The following DCC variants were observed in gnomAD, a reference collection of about 807,000 sequenced individuals.
The protein encoded by DCC is netrin receptor DCC.
Under a neutral mutation model 172.5 loss-of-function variants are expected in DCC, and 58 were observed. The observed-to-expected ratio is 0.34, with a 90% CI of 0.27 to 0.42. The LOEUF (loss-of-function observed/expected upper bound fraction) is 0.42. Ranked by LOEUF, DCC falls within the 10% of genes least tolerant of loss-of-function variation. The pLI is 1.00. For synonymous variants in DCC, 709 were observed against 644.5 expected (o/e 1.10, Z -1.52); for missense variants, 1,740 against 1,791.0 (o/e 0.97, Z 0.51).
At chr18:53,190,458 CTG>C (rs67103778) in intron 9 of DCC, among the ~76,000 whole-genome samples, 42,698 of 145,732 alleles carry the variant, frequency 0.29, 6,181 homozygotes, top group Non-Finnish European at 0.36. Context: ...ACTGCTAACT[CTG>C]TGTGTGTGTG....
At chr18:52,953,596 A>G (rs1362103498) in intron 5 of DCC, among the ~76,000 whole-genome samples, 4 of 152,234 alleles carry the variant, frequency 2.6e-5, no homozygotes, top group Non-Finnish European at 5.9e-5. Context: ...TGACTTTCAA[A>G]GCTGCCTGAA....
intron 5 of DCC, among the ~76,000 whole-genome samples, chr18:52,953,042 C>T (rs954688735): frequency 1.4e-5 from 2 of 142,412 alleles, no homozygotes; most frequent in African/African-American, 2.5e-5. Flanking sequence ...ATAACATTGC[C>T]TTTAATACCT....
intron 1 of DCC, among the ~76,000 whole-genome samples, chr18:52,347,803 A>C (rs985259793): frequency 6.6e-6 from 1 of 152,168 alleles, no homozygotes; most frequent in African/African-American, 2.4e-5. Context: ...ATTAAATGAG[A>C]ATGTGGACTA....
At chr18:53,501,261 A>T (rs2046094110) in intron 27 of DCC, among the ~76,000 whole-genome samples, 1 of 152,192 alleles carries the variant, frequency 6.6e-6, no homozygotes, top group Non-Finnish European at 1.5e-5. Flanking sequence ...TAAGGTAGCT[A>T]TTAGTCTTAA....
intron 12 of DCC, among the ~76,000 whole-genome samples, chr18:53,255,435 A>G (rs1405609812): frequency 7.7e-5 from 10 of 130,104 alleles, no homozygotes; most frequent in Non-Finnish European, 1.4e-4. Context: ...CTCATTGTTC[A>G]CTTCCCACCT....
In DCC at chr18:52,540,841, C is replaced by T. The variant is rs1210201597; in HGVS notation, c.91+199963C>T. Among the ~76,000 whole-genome samples the T allele has an allele frequency of 2.6e-5, 4 of 151,906 alleles. No individual in the cohort carries two copies. The East Asian group carries it at 7.7e-4, about 29-fold the overall frequency. On this transcript the variant is annotated intron_variant, in intron 1 of 28. Transcript: ENST00000442544. ...CAGGATGGTCTTGATCTCCTGACTT[C>T]GTGATCCGCCCGCCTCGGCCTCCCA... is the stretch of plus-strand genomic sequence containing the variant.
chr18:52,985,428 A>C (rs1334277768), intron 5 of DCC, among the ~76,000 whole-genome samples: 1 of 152,120 alleles, frequency 6.6e-6, no homozygotes, highest in Non-Finnish European at 1.5e-5. Flanking sequence ...TGCTGATGAG[A>C]AAGATAGTGG....
chr18:52,809,009 G>A (rs924268289), intron 2 of DCC, among the ~76,000 whole-genome samples: 4 of 152,060 alleles, frequency 2.6e-5, no homozygotes, highest in Admixed American at 1.3e-4. Context: ...CGTATGCCTG[G>A]GTAATCCTGG....
At chr18:53,137,197 G>A (rs1426988375) in intron 7 of DCC, among the ~76,000 whole-genome samples, 2 of 152,212 alleles carry the variant, frequency 1.3e-5, no homozygotes, top group Admixed American at 6.5e-5. Flanking sequence ...TCCAAGCACA[G>A]CTTTGCTGAA....
intron 1 of DCC, among the ~76,000 whole-genome samples, chr18:52,734,605 A>T (rs2036696454): frequency 6.6e-6 from 1 of 152,008 alleles, no homozygotes; most frequent in Admixed American, 6.6e-5. Flanking sequence ...GCATCCCCAT[A>T]AGTAAGGTTT....
chr18:52,497,273 AAAAAAAAATAT>A lies in DCC; in HGVS notation c.91+156397_91+156407del, dbSNP rs1171588496. Among the ~76,000 whole-genome samples the A allele has an allele frequency of 2.3e-4, 20 of 86,480 alleles. 3 individuals are homozygous for A. The highest frequency in any genetic ancestry group is 1.9e-3 in the South Asian group (5 of 2,674). The allele number at this position is 86,480 out of a possible 152,430, so 56.7% of individuals were successfully genotyped here. On this transcript the variant is annotated intron_variant, in intron 1 of 28. Transcript: ENST00000442544. ...GAGACCCTGTATCAAAAAAAAAAAAAAAAAAAAATATATATATATATATATATATATATATA... is the reference window on the plus strand; with the variant it reads ...GAGACCCTGTATCAAAAAAAAAAAAAATATATATATATATATATATATATA...
intron 5 of DCC, among the ~76,000 whole-genome samples, chr18:52,978,871 C>A (rs1186767854): frequency 6.6e-6 from 1 of 152,118 alleles, no homozygotes; most frequent in Non-Finnish European, 1.5e-5. Context: ...CAGCTCTATG[C>A]AATTTGCTGC....
intron 1 of DCC, among the ~76,000 whole-genome samples, chr18:52,366,389 G>A (rs1984857251): frequency 6.6e-6 from 1 of 152,162 alleles, no homozygotes; most frequent in Non-Finnish European, 1.5e-5. Context: ...TGCTGGCTCG[G>A]GCAGCCTGTT....
chr18:52,890,798 T>G (rs933391489), intron 2 of DCC, among the ~76,000 whole-genome samples: 1 of 152,044 alleles, frequency 6.6e-6, no homozygotes, highest in Admixed American at 6.6e-5. Flanking sequence ...AATCCCCAAA[T>G]TCTGAGGCTA....
chr18:52,417,128 AT>A (rs1987064015), intron 1 of DCC, among the ~76,000 whole-genome samples: 1 of 152,102 alleles, frequency 6.6e-6, no homozygotes, highest in Non-Finnish European at 1.5e-5. Flanking sequence ...TCCTTCACTT[AT>A]GAAGCTTAGT....
At chr18:52,907,806 T>C (rs1231671351) in intron 3 of DCC, among the ~76,000 whole-genome samples, 1 of 152,216 alleles carries the variant, frequency 6.6e-6, no homozygotes, top group African/African-American at 2.4e-5. Context: ...TGGCAAAGAC[T>C]GTCCCAGAGC....
Position 53,066,029 on chromosome 18 carries a change from C to T in DCC, c.1141-17C>T, listed in dbSNP as rs781738028. On this transcript the variant is annotated splice_polypyrimidine_tract_variant and intron_variant, in intron 6 of 28. Transcript: ENST00000442544. ...TTTGCTTTCTAAAATACTTTACCTG[C>T]TTTTTCTTTTCCCTAGGGAGGAAGC... 1.2e-6 allele frequency: 2 copies of T among 1,612,220 alleles called. No individual in the cohort carries two copies. The highest frequency in any genetic ancestry group is 1.7e-6 in the Non-Finnish European group (2 of 1,178,804).
intron 1 of DCC, among the ~76,000 whole-genome samples, chr18:52,748,526 A>G (rs906559762): frequency 1.3e-5 from 2 of 152,148 alleles, no homozygotes; most frequent in African/African-American, 2.4e-5. Flanking sequence ...GTTACAGCTC[A>G]TTCAGTCCTG....
intron 28 of DCC, among the ~76,000 whole-genome samples, chr18:53,529,034 T>TCACACACACA (rs1555683553): frequency 4.7e-5 from 3 of 64,378 alleles, no homozygotes; most frequent in African/African-American, 6.9e-5. Flanking sequence ...TCTCTCTCTC[T>TCACACACACA]CTCTCACACA....
Sources: gnomAD v4.1 joint callset for allele counts (sites outside exome capture counted in the v4.1 genomes callset) on GRCh38, gnomAD v4.1.1 for gene constraint, MANE v1.5 for transcripts, NCBI Gene and HGNC (gene_info 2026-07-23, HGNC 2026-07-21) for gene names.